Variants in NFKBIZ observed in about 807,000 individuals in gnomAD.
The protein encoded by NFKBIZ is NF-kappa-B inhibitor zeta.
NFKBIZ carries 19 observed loss-of-function variants against 76.8 expected under a neutral mutation model. That is an observed-to-expected ratio of 0.25 (90% CI 0.17 to 0.36). NFKBIZ has a LOEUF of 0.36. Among genes scored for constraint, NFKBIZ ranks in the 10% least tolerant of loss-of-function variants. The probability of loss-of-function intolerance (pLI) is 1.00; values close to 1 mark genes in which losing one functional copy is unlikely to be tolerated. For synonymous variants in NFKBIZ, 368 were observed against 354.8 expected (o/e 1.04, Z -0.42); for missense variants, 829 against 910.9 (o/e 0.91, Z 1.16).
intron 2 of NFKBIZ, among the ~76,000 whole-genome samples, chr3:101,834,518 G>A (rs138900556): frequency 4.1e-4 from 62 of 151,934 alleles, no homozygotes; most frequent in African/African-American, 1.3e-3. Context: ...CCGCCACCAC[G>A]CCCGGCTAAT....
Position 101,853,397 on chromosome 3 carries a change from C to G in NFKBIZ, c.871C>G (p.Pro291Ala). 6.2e-7 allele frequency: 1 copy of G among 1,614,166 alleles called. No homozygotes were observed. Among genetic ancestry groups the G allele is most frequent in the Non-Finnish European group, 8.5e-7 (1 of 1,180,028 alleles). Residue 291 changes from proline (P) to alanine (A), a missense_variant, in exon 5 of 12, where the codon CCA becomes GCA. This residue lies in a region of NFKBIZ where 371 missense variants were observed against 332.3 expected (regional missense o/e 1.12). Transcript: ENST00000326172. ...CCAGGCTTCCCTGTACCAGTATTCT[C>G]CACAGAACCAGCATGTAGAGCAGCA... ...IDQASLYQYS[P>A]QNQHVEQQPH... is the part of the protein sequence containing the mutation.
intron 3 of NFKBIZ, 43 bp from the exon 4 acceptor site, chr3:101,852,843 A>G: frequency 6.2e-7 from 1 of 1,600,310 alleles, no homozygotes; most frequent in Non-Finnish European, 8.5e-7. Flanking sequence ...GGTAACATTT[A>G]TAAAATAAAA....
Position 101,857,590 on chromosome 3 carries a change from G to A in NFKBIZ, c.2103+131G>A, listed in dbSNP as rs542996714. 94 of 1,474,558 alleles carry A rather than the reference G, an allele frequency of 6.4e-5. No individual in the cohort carries two copies. In the South Asian group the frequency reaches 1.1e-3, roughly 17 times the overall value. 91.3% of individuals were successfully genotyped at this position (1,474,558 alleles called of 1,614,324 possible). A position where few individuals can be genotyped will look rare whatever the true frequency, so the allele number is the denominator to read the frequency against. ...GACTCTATCAGTGTCTGTGTCTCAC[G>A]GTAGCTGTCATAGCATTGTGGAGTT... On this transcript the variant is annotated intron_variant, in intron 11 of 11. Transcript: ENST00000326172.
At position 101,853,574 on chromosome 3, in the gene NFKBIZ, T is replaced by C. The variant is rs1031651771; in HGVS notation, c.1048T>C (p.Ser350Pro). ...TTCCCTTCTTGGTGATCAAAGGGAA[T>C]CTGAGAATATTGCTAATCCCATGCA... The part of the protein sequence containing the change: ...LVSLLGDQRE[S>P]ENIANPMQTS... The change falls in exon 5 of 12, where the codon TCT (serine) becomes CCT (proline). Residue 350 changes from serine to proline, a missense_variant. Coordinates refer to ENST00000326172, the MANE Select transcript of NFKBIZ (RefSeq NM_031419.4). The C allele has an allele frequency of 6.2e-7, 1 of 1,614,250 alleles. No homozygotes were observed.
chr3:101,851,535 A>T (rs924408053), intron 1 of NFKBIZ, among the ~76,000 whole-genome samples: 1 of 152,236 alleles, frequency 6.6e-6, no homozygotes, highest in Non-Finnish European at 1.5e-5. Context: ...GTACATAGAG[A>T]TCTTTGAAAG....
In NFKBIZ at chr3:101,853,114, C is replaced by T. The variant is rs115048893; in HGVS notation, c.588C>T (p.Pro196=). Residue 196 remains proline (P), a synonymous_variant, in exon 5 of 12, where the codon CCC becomes CCT. Coordinates refer to ENST00000326172, the MANE Select transcript of NFKBIZ (RefSeq NM_031419.4). ...QFLTPPQTPT[P]GESMEDVHLN... is the part of the protein sequence containing the mutation. The stretch of plus-strand genomic sequence containing the variant: ...AGACACCACCTCAAACACCAACGCC[C>T]GGGGAGAGCATGGAAGATGTTCATC... 401 of 1,613,848 alleles carry T rather than the reference C, an allele frequency of 2.5e-4. 4 individuals carry two copies. The East Asian group carries it at 7.6e-3, about 30-fold the overall frequency.
At chr3:101,831,879 A>T (rs995929226) in intron 2 of NFKBIZ, among the ~76,000 whole-genome samples, 2 of 152,016 alleles carry the variant, frequency 1.3e-5, no homozygotes, top group Non-Finnish European at 2.9e-5. Flanking sequence ...ACCTCAAGTG[A>T]TCCATCTGCC....
intron 2 of NFKBIZ, among the ~76,000 whole-genome samples, chr3:101,831,473 G>A (rs1184487920): frequency 1.3e-5 from 2 of 152,124 alleles, no homozygotes; most frequent in South Asian, 2.1e-4. Flanking sequence ...TTGTCTTTTT[G>A]TGTCTTGCTT....
chr3:101,843,047 A>C (rs1390969838), intron 2 of NFKBIZ, among the ~76,000 whole-genome samples: 3 of 150,650 alleles, frequency 2.0e-5, no homozygotes, highest in Non-Finnish European at 3.0e-5. Context: ...AAAAAAAAAA[A>C]ACTTCATGCA....
At position 101,844,310 on chromosome 3, in the gene NFKBIZ, T is replaced by C. The variant is rs116767382; in HGVS notation, c.-11-7775T>C. ...TTAAAATGATGTATACAAGAGTCAA[T>C]TAATATTGTTACTGCTTCATCCAGG... On this transcript the variant is annotated intron_variant, in intron 2 of 12. Coordinates refer to the NFKBIZ transcript ENST00000394054. Among the ~76,000 whole-genome samples, 1,455 of 152,340 alleles carry C rather than the reference T, an allele frequency of 9.6e-3. 24 individuals carry two copies. Among genetic ancestry groups the C allele is most frequent in the African/African-American group, 0.033 (1,387 of 41,578 alleles).
chr3:101,853,618 G>C lies in NFKBIZ; in HGVS notation c.1092G>C (p.Gln364His). 1 of 1,614,228 alleles carries C rather than the reference G, an allele frequency of 6.2e-7. No homozygotes were observed. Among genetic ancestry groups the C allele is most frequent in the Non-Finnish European group, 8.5e-7 (1 of 1,180,050 alleles). The stretch of plus-strand genomic sequence containing the variant: ...CCATGCAGACTTCCTCCAGTGTTCA[G>C]CAGCAAAATGATGCTCACTTGCACA... The part of the protein sequence containing the change: ...ANPMQTSSSV[Q>H]QQNDAHLHSF... The change falls in exon 5 of 12, where the codon CAG becomes CAC. Residue 364 changes from glutamine to histidine, a missense_variant. Physicochemically the swap from Gln to His is conservative, Grantham distance 24. Coordinates refer to ENST00000326172, the MANE Select transcript of NFKBIZ (RefSeq NM_031419.4).
chr3:101,858,210 C>T (rs1309963417), intron 11 of NFKBIZ: 2 of 985,116 alleles, frequency 2.0e-6, no homozygotes, highest in African/African-American at 3.5e-5. Context: ...ACGTGGAATG[C>T]AGTTTAGCTT....
At position 101,859,777 on chromosome 3, in the gene NFKBIZ, A is replaced by G. The variant is rs1943107693; in HGVS notation, c.*406A>G. ...GTGAAAGGAAAAAGGTAAATACAGC[A>G]TTGAGGCTTCATTTGGCCTTAGTCC... On this transcript the variant is annotated 3_prime_UTR_variant, in exon 12 of 12. Transcript: ENST00000326172. 1 of 163,412 alleles carries G rather than the reference A, an allele frequency of 6.1e-6. No individual in the cohort carries two copies. The highest frequency in any genetic ancestry group is 1.4e-5 in the Non-Finnish European group (1 of 73,726). The allele number at this position is 163,412 out of a possible 1,614,324, so 10.1% of individuals were successfully genotyped here.
intron 5 of NFKBIZ, 139 bp downstream of exon 5, chr3:101,854,002 C>T: frequency 3.6e-6 from 3 of 828,262 alleles, no homozygotes; most frequent in South Asian, 3.6e-5. Context: ...TAGATAGAAA[C>T]CGCCACTCAG....
Position 101,853,746 on chromosome 3 carries a change from C to A in NFKBIZ, c.1220C>A (p.Pro407Gln). ...CTGCCATTCTCAAACATGGGAAATC[C>A]AATGAACACCACACAGTTAGGGAAA... is the stretch of plus-strand genomic sequence containing the variant. ...TSLPFSNMGN[P>Q]MNTTQLGKSL... Residue 407 changes from proline to glutamine, a missense_variant, in exon 5 of 12, where the codon CCA becomes CAA. Physicochemically the swap from Pro to Gln is moderately conservative, Grantham distance 76 (BLOSUM62 -1). Coordinates refer to ENST00000326172, the MANE Select transcript of NFKBIZ (RefSeq NM_031419.4). 6.2e-7 allele frequency: 1 copy of A among 1,614,206 alleles called. No individual in the cohort carries two copies. Among genetic ancestry groups the A allele is most frequent in the Non-Finnish European group, 8.5e-7 (1 of 1,180,024 alleles).
chr3:101,838,856 G>A (rs1426997852), intron 2 of NFKBIZ, among the ~76,000 whole-genome samples: 1 of 152,134 alleles, frequency 6.6e-6, no homozygotes, highest in Non-Finnish European at 1.5e-5. Context: ...CTGTTAGTAT[G>A]CATTGTGTTT....
rs774557729 is a variant in NFKBIZ, at chr3:101,855,759, A to G, written c.1681A>G (p.Ile561Val). The change falls in exon 9 of 12, where the codon ATA (isoleucine) becomes GTA (valine). Residue 561 changes from isoleucine (I) to valine (V), a missense_variant. This residue lies in a region of NFKBIZ where 272 missense variants were observed against 384.2 expected (regional missense o/e 0.71). Coordinates refer to ENST00000326172, the MANE Select transcript of NFKBIZ (RefSeq NM_031419.4). ...DGLTPLHCAVIAHNAVVHELQ... is the reference protein window; with the variant it reads ...DGLTPLHCAVVAHNAVVHELQ... Reference sequence around the variant, plus strand: ...CCTGACTCCCCTTCACTGTGCAGTCATAGCCCACAATGCTGTGGTCCATGA... The same window carrying G: ...CCTGACTCCCCTTCACTGTGCAGTCGTAGCCCACAATGCTGTGGTCCATGA... 2 of 1,611,662 alleles carry G rather than the reference A, an allele frequency of 1.2e-6. No individual in the cohort carries two copies. The highest frequency in any genetic ancestry group is 1.7e-5 in the Admixed American group (1 of 59,322).
intron 9 of NFKBIZ, 152 bp downstream of exon 9, chr3:101,856,054 A>ATTTTT: frequency 2.1e-6 from 1 of 477,860 alleles, no homozygotes; most frequent in Non-Finnish European, 3.4e-6. Context: ...GAAGCCCAGA[A>ATTTTT]TTTTTTTTTT....
chr3:101,830,669 G>T (rs990892045), intron 2 of NFKBIZ, among the ~76,000 whole-genome samples: 1 of 152,118 alleles, frequency 6.6e-6, no homozygotes, highest in Non-Finnish European at 1.5e-5. Context: ...TCTTTTTTAT[G>T]GCTGTGTAGA....
Sources: allele counts gnomAD v4.1 joint callset (sites outside exome capture counted in the v4.1 genomes callset), GRCh38; gene constraint gnomAD v4.1.1; regional missense constraint gnomAD v4.1.1; transcripts MANE v1.5; gene names NCBI Gene and HGNC (gene_info 2026-07-23, HGNC 2026-07-21).